Variants in CCDC181 observed in about 807,000 individuals in gnomAD.
CCDC181 encodes the protein coiled-coil domain-containing protein 181.
Under a neutral mutation model 58.7 loss-of-function variants are expected in CCDC181, and 35 were observed. That is an observed-to-expected ratio of 0.60 (90% CI 0.46 to 0.79). The LOEUF (loss-of-function observed/expected upper bound fraction) is 0.79, where lower values mean the gene tolerates loss of function less well. CCDC181 is among the 30% of genes least tolerant of loss of function. The pLI is 0.00. For synonymous variants in CCDC181, 183 were observed against 197.5 expected (o/e 0.93, Z 0.62); for missense variants, 517 against 583.9 (o/e 0.89, Z 1.18).
intron 4 of CCDC181, among the ~76,000 whole-genome samples, chr1:169,415,914 A>G (rs1553205300): frequency 1.3e-5 from 2 of 152,308 alleles, no homozygotes; most frequent in South Asian, 2.1e-4. Context: ...TCCTATCTCC[A>G]GTCCCAACTT....
chr1:169,459,578 A>G (rs1021802610), intron 2 of CCDC181, among the ~76,000 whole-genome samples: 5 of 152,176 alleles, frequency 3.3e-5, no homozygotes, highest in Admixed American at 3.3e-4. Flanking sequence ...TAGCAGGGTG[A>G]GGAGCACAGA....
chr1:169,446,947 A>G (rs1657393345), intron 2 of CCDC181, among the ~76,000 whole-genome samples: 1 of 151,910 alleles, frequency 6.6e-6, no homozygotes, highest in African/African-American at 2.4e-5. Flanking sequence ...TATTTTGAAT[A>G]TTTTCTAATT....
At chr1:169,460,667 C>T (rs1192500308) in exon 1 of CCDC181, 1 of 152,386 alleles carries the variant, frequency 6.6e-6, no homozygotes, top group East Asian at 1.9e-4. Flanking sequence ...CAAATTGGAC[C>T]CCAAGACACC....
intron 4 of CCDC181, among the ~76,000 whole-genome samples, chr1:169,404,701 A>G (rs1377922653): frequency 6.6e-6 from 1 of 152,254 alleles, no homozygotes; most frequent in Non-Finnish European, 1.5e-5. Context: ...CACAGCCAAT[A>G]TCATAGTGAA....
intron 2 of CCDC181, among the ~76,000 whole-genome samples, chr1:169,457,984 C>A (rs1446586316): frequency 3.3e-5 from 5 of 151,914 alleles, no homozygotes; most frequent in Non-Finnish European, 2.9e-5. Context: ...TTGATAGATT[C>A]TTTTGTGTCT....
At chr1:169,407,492 T>A (rs1356988010) in intron 4 of CCDC181, among the ~76,000 whole-genome samples, 1 of 151,428 alleles carries the variant, frequency 6.6e-6, no homozygotes, top group Non-Finnish European at 1.5e-5. Flanking sequence ...TTAAAAAGTA[T>A]ATAAGAAAAT....
rs575991492 is a variant in CCDC181, at chr1:169,421,474, G to C, written c.957C>G (p.His319Gln). 6.2e-7 allele frequency: 1 copy of C among 1,614,088 alleles called. No homozygotes were observed. Among genetic ancestry groups the C allele is most frequent in the African/African-American group, 1.3e-5 (1 of 75,054 alleles). The change falls in exon 3 of 6, where the codon CAC becomes CAG. Residue 319 changes from histidine to glutamine, a missense_variant. Coordinates refer to ENST00000367806, the MANE Select transcript of CCDC181 (RefSeq NM_001300969.2). ...GTGAGATATGTGCAGACTGTGTCCT[G>C]TGATTAGATTTCCCATTCCCTTTAC... ...DRSKGNGKSN[H>Q]RTQSAHISPV...
In CCDC181 at chr1:169,418,187, C is replaced by T. The variant is rs116552704; in HGVS notation, c.1215+826G>A. Among the ~76,000 whole-genome samples, 315 of 152,254 alleles carry T rather than the reference C, an allele frequency of 2.1e-3. 2 individuals are homozygous for T. Among genetic ancestry groups the T allele is most frequent in the African/African-American group, 6.8e-3 (283 of 41,548 alleles). The stretch of plus-strand genomic sequence containing the variant: ...ACTTCTCCTACAGATTACTGATGTT[C>T]CCATAGAATGTACCTCTTCACTACA... On this transcript the variant is annotated intron_variant, in intron 4 of 5. Coordinates refer to ENST00000367806, the MANE Select transcript of CCDC181 (RefSeq NM_001300969.2).
chr1:169,422,350 C>T, intron 2 of CCDC181, 37 bp from the exon 3 acceptor site: 2 of 1,425,314 alleles, frequency 1.4e-6, no homozygotes, highest in Non-Finnish European at 1.9e-6. Context: ...AATTGAGATT[C>T]TTCATTTATA....
chr1:169,424,900 T>C lies in CCDC181; in HGVS notation c.28A>G (p.Lys10Glu). 1.9e-6 allele frequency: 3 copies of C among 1,598,964 alleles called. No individual in the cohort carries two copies. The highest frequency in any genetic ancestry group is 2.6e-6 in the Non-Finnish European group (3 of 1,167,592). MNENKDTDS[K>E]KSEEYEDDFE... is the part of the protein sequence containing the mutation. ...TCATCTTCGTATTCTTCACTTTTCT[T>C]TGAATCAGTATCTTTATTTTCATTC... Residue 10 changes from lysine to glutamate, a missense_variant, in exon 2 of 6, where the codon AAG (lysine) becomes GAG (glutamate). Physicochemically the swap from Lys to Glu is moderately conservative, Grantham distance 56. Transcript: ENST00000367806.
chr1:169,437,591 T>A (rs1325934635), intron 2 of CCDC181, among the ~76,000 whole-genome samples: 1 of 152,164 alleles, frequency 6.6e-6, no homozygotes, highest in Non-Finnish European at 1.5e-5. Flanking sequence ...TTTTATAACA[T>A]GTTAATCTTA....
chr1:169,402,249 A>G (rs111325306), intron 4 of CCDC181, among the ~76,000 whole-genome samples: 4,477 of 152,316 alleles, frequency 0.029, 189 homozygotes, highest in African/African-American at 0.1. Flanking sequence ...ATGATCCAGG[A>G]GAACTTCCCC....
At chr1:169,429,412 C>A (rs529929877), upstream of CCDC181, among the ~76,000 whole-genome samples, 2 of 152,180 alleles carry the variant, frequency 1.3e-5, no homozygotes, top group Admixed American at 6.5e-5. Context: ...AGTTTACATT[C>A]CCATCACCAG....
At chr1:169,407,057 G>T in intron 4 of CCDC181, among the ~76,000 whole-genome samples, 1 of 118,940 alleles carries the variant, frequency 8.4e-6, no homozygotes, top group Non-Finnish European at 1.7e-5. Context: ...AGATGAGGCA[G>T]AAAAAAAAAA....
At chr1:169,435,675 A>G (rs1342089699) in intron 2 of CCDC181, among the ~76,000 whole-genome samples, 1 of 152,206 alleles carries the variant, frequency 6.6e-6, no homozygotes, top group Non-Finnish European at 1.5e-5. Flanking sequence ...AACAGGGACT[A>G]TTACATTACA....
At chr1:169,411,549 T>C (rs1655962647) in intron 4 of CCDC181, among the ~76,000 whole-genome samples, 1 of 152,172 alleles carries the variant, frequency 6.6e-6, no homozygotes, top group African/African-American at 2.4e-5. Flanking sequence ...GAGGCCAGCA[T>C]CATCCTGATA....
chr1:169,402,263 C>A (rs886432491), intron 4 of CCDC181, among the ~76,000 whole-genome samples: 1 of 152,304 alleles, frequency 6.6e-6, no homozygotes, highest in East Asian at 1.9e-4. Flanking sequence ...CTTCCCCAAG[C>A]TAGCAAGGCA....
chr1:169,416,657 A>C (rs1007462320), intron 4 of CCDC181, among the ~76,000 whole-genome samples: 4 of 152,164 alleles, frequency 2.6e-5, no homozygotes, highest in Non-Finnish European at 4.4e-5. Context: ...TTATCTACTT[A>C]CTGATGTGAT....
At chr1:169,400,829 A>G (rs1016371405) in intron 4 of CCDC181, among the ~76,000 whole-genome samples, 3 of 152,258 alleles carry the variant, frequency 2.0e-5, no homozygotes, top group Admixed American at 6.5e-5. Context: ...CAGTGGGTGC[A>G]GCCCACAGAG....
Sources: allele counts gnomAD v4.1 joint callset (sites outside exome capture counted in the v4.1 genomes callset), GRCh38; gene constraint gnomAD v4.1.1; transcripts MANE v1.5; gene names NCBI Gene and HGNC (gene_info 2026-07-23, HGNC 2026-07-21).